Variants in BMPR1A observed in about 807,000 individuals in gnomAD.
BMPR1A encodes bone morphogenetic protein receptor type 1A, also known as bone morphogenetic protein receptor type-1A.
In BMPR1A, 7 loss-of-function variants were observed where a neutral mutation model predicts 66.0. That is an observed-to-expected ratio of 0.11 (90% CI 0.06 to 0.20). The LOEUF (loss-of-function observed/expected upper bound fraction) is 0.20. BMPR1A is among the 10% of genes least tolerant of loss of function. BMPR1A has a pLI of 1.00. For synonymous variants in BMPR1A, 200 were observed against 229.7 expected (o/e 0.87, Z 1.17); for missense variants, 408 against 669.1 (o/e 0.61, Z 4.31).
chr10:86,842,576 T>C (rs1842438189), intron 2 of BMPR1A, among the ~76,000 whole-genome samples: 2 of 152,294 alleles, frequency 1.3e-5, no homozygotes, highest in Middle Eastern at 6.8e-3. Context: ...TGGGCAGTCA[T>C]TGAAAAATTT....
intron 2 of BMPR1A, among the ~76,000 whole-genome samples, chr10:86,843,095 G>A (rs1311009567): frequency 6.6e-6 from 1 of 152,162 alleles, no homozygotes; most frequent in Non-Finnish European, 1.5e-5. Flanking sequence ...AAATAATGAA[G>A]CTGTCAACTT....
downstream of BMPR1A, chr10:86,928,727 T>C (rs1202698759): frequency 6.6e-6 from 1 of 152,108 alleles, no homozygotes; most frequent in African/African-American, 2.4e-5. Context: ...CGATCTCGGC[T>C]CAGTGCAACC....
At chr10:86,872,599 G>A (rs1050943317) in intron 2 of BMPR1A, among the ~76,000 whole-genome samples, 2 of 151,972 alleles carry the variant, frequency 1.3e-5, no homozygotes, top group African/African-American at 4.8e-5. Flanking sequence ...AGGTTAATAT[G>A]TGTTAGCTAT....
intron 1 of BMPR1A, among the ~76,000 whole-genome samples, chr10:86,804,495 A>G (rs2132886056): frequency 6.6e-6 from 1 of 152,272 alleles, no homozygotes; most frequent in Non-Finnish European, 1.5e-5. Context: ...GGCCTCCCAA[A>G]GTGCTGGGAT....
chr10:86,819,712 C>T (rs4478900), intron 1 of BMPR1A, among the ~76,000 whole-genome samples: 47,288 of 152,134 alleles, frequency 0.31, 8,429 homozygotes, highest in East Asian at 0.69. Flanking sequence ...GCACTTATCA[C>T]GTCAGCCTCA....
intron 1 of BMPR1A, among the ~76,000 whole-genome samples, chr10:86,803,734 T>C (rs757032849): frequency 1.8e-4 from 28 of 152,310 alleles, no homozygotes; most frequent in Middle Eastern, 6.8e-3. Flanking sequence ...ATTTTAATAC[T>C]TGGTAAAGCA....
intron 1 of BMPR1A, among the ~76,000 whole-genome samples, chr10:86,836,038 T>C (rs753163716): frequency 4.6e-5 from 7 of 152,258 alleles, no homozygotes; most frequent in Non-Finnish European, 8.8e-5. Context: ...TTTTAATGTG[T>C]TTTCTACAAC....
chr10:86,804,514 T>A (rs1038433962), intron 1 of BMPR1A, among the ~76,000 whole-genome samples: 2 of 152,170 alleles, frequency 1.3e-5, no homozygotes, highest in African/African-American at 4.8e-5. Flanking sequence ...ATTACAGGCA[T>A]GAGCCACTGA....
At chr10:86,773,629 A>G (rs904071027) in intron 1 of BMPR1A, among the ~76,000 whole-genome samples, 2 of 150,266 alleles carry the variant, frequency 1.3e-5, no homozygotes, top group African/African-American at 4.9e-5. Context: ...ACAACACCAG[A>G]TGGAAATAGA....
chr10:86,910,551 G>A (rs1283151440), intron 7 of BMPR1A, among the ~76,000 whole-genome samples: 1 of 152,064 alleles, frequency 6.6e-6, no homozygotes, highest in Non-Finnish European at 1.5e-5. Context: ...AAGGAAACAG[G>A]GAAATAATTC....
chr10:86,898,623 T>G (rs1057237560), intron 5 of BMPR1A, among the ~76,000 whole-genome samples: 11 of 152,220 alleles, frequency 7.2e-5, no homozygotes, highest in African/African-American at 2.4e-4. Context: ...CACTGTCATG[T>G]CAGCAGTACA....
chr10:86,851,042 A>G (rs1332493944), intron 2 of BMPR1A, among the ~76,000 whole-genome samples: 1 of 152,188 alleles, frequency 6.6e-6, no homozygotes, highest in Non-Finnish European at 1.5e-5. Context: ...TAAACCAGAA[A>G]TATTTTGGAA....
At chr10:86,927,976 T>C (rs1004376092), downstream of BMPR1A, 8 of 178,430 alleles carry the variant, frequency 4.5e-5, no homozygotes, top group African/African-American at 1.9e-4. Context: ...TATACTTTAG[T>C]GATGTGTTTT....
chr10:86,785,861 CTTACCACTAA>C (rs959244007), intron 1 of BMPR1A, among the ~76,000 whole-genome samples: 2 of 152,170 alleles, frequency 1.3e-5, no homozygotes, highest in Non-Finnish European at 2.9e-5. Context: ...GCTGATTGGC[CTTACCACTAA>C]TTACCACTAA....
chr10:86,891,739 A>C (rs1042177936), intron 4 of BMPR1A, among the ~76,000 whole-genome samples: 1 of 152,208 alleles, frequency 6.6e-6, no homozygotes, highest in African/African-American at 2.4e-5. Flanking sequence ...ACAATATGGA[A>C]GTACTGAAAA....
At chr10:86,772,595 G>C (rs1841282269) in intron 1 of BMPR1A, among the ~76,000 whole-genome samples, 1 of 152,152 alleles carries the variant, frequency 6.6e-6, no homozygotes, top group Non-Finnish European at 1.5e-5. Flanking sequence ...AGTTGAAAAT[G>C]AAAGTGATTA....
chr10:86,844,196 T>C (rs1288122416), intron 2 of BMPR1A, among the ~76,000 whole-genome samples: 2 of 152,248 alleles, frequency 1.3e-5, no homozygotes, highest in African/African-American at 2.4e-5. Flanking sequence ...CCTTAACATA[T>C]TCAAAGGGAG....
At chr10:86,850,330 A>C (rs1210892446) in intron 2 of BMPR1A, among the ~76,000 whole-genome samples, 2 of 152,168 alleles carry the variant, frequency 1.3e-5, no homozygotes, top group African/African-American at 2.4e-5. Flanking sequence ...AAAAAAAAAA[A>C]AACAGTTCAT....
At chr10:86,858,370 T>A (rs2133219836) in intron 2 of BMPR1A, among the ~76,000 whole-genome samples, 1 of 152,336 alleles carries the variant, frequency 6.6e-6, no homozygotes, top group African/African-American at 2.4e-5. Context: ...TTCTTCAGTA[T>A]TTTAAAATTG....
Sources: gnomAD v4.1 joint callset for allele counts (sites outside exome capture counted in the v4.1 genomes callset) on GRCh38, gnomAD v4.1.1 for gene constraint, MANE v1.5 for transcripts, NCBI Gene and HGNC (gene_info 2026-07-23, HGNC 2026-07-21) for gene names.